CD8A: variants seen among roughly 807,000 people sequenced by gnomAD.
CD8A encodes the protein T-cell surface glycoprotein CD8 alpha chain.
A neutral mutation model predicts 24.2 loss-of-function variants in CD8A; 25 were observed. That is an observed-to-expected ratio of 1.03 (90% CI 0.75 to 1.44). The LOEUF (loss-of-function observed/expected upper bound fraction) is 1.44. Ranked by LOEUF, CD8A falls within the 40% of genes most tolerant of loss-of-function variation. The pLI is 0.00. For synonymous variants in CD8A, 165 were observed against 149.9 expected (o/e 1.10, Z -0.74); for missense variants, 360 against 319.7 (o/e 1.13, Z -0.96).
At chr2:86,795,461 AAAG>A (rs1673450750), upstream of CD8A, among the ~76,000 whole-genome samples, 1 of 152,350 alleles carries the variant, frequency 6.6e-6, no homozygotes, top group Non-Finnish European at 1.5e-5. Context: ...GTTAAAAACA[AAAG>A]AAGAGGAGGA....
At chr2:86,804,025 T>C (rs1169751330) in intron 2 of CD8A, among the ~76,000 whole-genome samples, 1 of 152,214 alleles carries the variant, frequency 6.6e-6, no homozygotes, top group Non-Finnish European at 1.5e-5. Flanking sequence ...AGCATATTAT[T>C]CCAGGATTTT....
intron 2 of CD8A, among the ~76,000 whole-genome samples, chr2:86,802,289 C>T (rs917444151): frequency 1.3e-5 from 2 of 152,080 alleles, no homozygotes; most frequent in Non-Finnish European, 2.9e-5. Context: ...CTGCCTGCCT[C>T]GGCCTCCCAA....
At chr2:86,786,485 C>T (rs116134794) in intron 5 of CD8A, among the ~76,000 whole-genome samples, 1 of 152,182 alleles carries the variant, frequency 6.6e-6, no homozygotes, top group Admixed American at 6.5e-5. Flanking sequence ...TCATCATGAG[C>T]GTCATGTCTG....
chr2:86,790,001 C>A (rs1673207260), intron 2 of CD8A, among the ~76,000 whole-genome samples: 1 of 152,188 alleles, frequency 6.6e-6, no homozygotes, highest in Non-Finnish European at 1.5e-5. Flanking sequence ...GCCTCTCTCC[C>A]GGGCTGAACC....
At chr2:86,792,781 C>T (rs913723595), upstream of CD8A, among the ~76,000 whole-genome samples, 12 of 151,388 alleles carry the variant, frequency 7.9e-5, no homozygotes, top group African/African-American at 2.7e-4. Context: ...CAGGTGTGAG[C>T]CACCATATCA....
upstream of CD8A, chr2:86,791,184 C>G: frequency 2.0e-6 from 1 of 495,384 alleles, no homozygotes; most frequent in Non-Finnish European, 3.8e-6. Context: ...GAAGGGAGAC[C>G]AAAGATTTCA....
At chr2:86,785,998 T>C (rs760138115) in intron 5 of CD8A, 27 bp from the exon 6 acceptor site, 3 of 1,603,810 alleles carry the variant, frequency 1.9e-6, no homozygotes, top group Non-Finnish European at 2.6e-6. Context: ...CGACCATCAT[T>C]GTAGCCAGAA....
chr2:86,801,266 TCTCC>T (rs914354648), intron 3 of CD8A, among the ~76,000 whole-genome samples: 14 of 151,924 alleles, frequency 9.2e-5, no homozygotes, highest in Non-Finnish European at 1.6e-4. Context: ...GATAACATTG[TCTCC>T]CTCCCTCCCT....
In CD8A at chr2:86,790,793, C is replaced by A. The variant is rs935512606; in HGVS notation, c.33G>T (p.Pro11=). Residue 11 remains proline, a synonymous_variant, in exon 1 of 6, where the codon CCG becomes CCT. Coordinates refer to ENST00000283635, the MANE Select transcript of CD8A (RefSeq NM_001768.7). MALPVTALLL[P]LALLLHAARP... is the part of the protein sequence containing the mutation. ...CAAACTCACGGAGCAGCAAGGCCAG[C>A]GGCAGGAGCAAGGCGGTCACTGGTA... 6 of 1,549,318 alleles carry A rather than the reference C, an allele frequency of 3.9e-6. No homozygotes were observed. The highest frequency in any genetic ancestry group is 1.9e-5 in the Admixed American group (1 of 52,032).
At chr2:86,808,030 T>G (rs1673978801) in intron 1 of CD8A, 1 of 152,468 alleles carries the variant, frequency 6.6e-6, no homozygotes, top group East Asian at 1.9e-4. Flanking sequence ...CAGCCGCTCA[T>G]TCTGCGCAAA....
At position 86,786,947 on chromosome 2, in the gene CD8A, G is replaced by T. The variant is rs575409179; in HGVS notation, c.657-976C>A. 1.9e-4 allele frequency among the ~76,000 whole-genome samples: 27 copies of T among 145,020 alleles called. No individual in the cohort carries two copies. In the South Asian group the frequency reaches 5.2e-3, roughly 28 times the overall value. On this transcript the variant is annotated intron_variant, in intron 5 of 5. Coordinates refer to ENST00000283635, the MANE Select transcript of CD8A (RefSeq NM_001768.7). ...AGGCAGGAGAATGGCGTGAACCCGG[G>T]AGGCGGAGCTTGCAGTGAGCCGAGA...
intron 1 of CD8A, chr2:86,807,931 C>A: frequency 6.5e-6 from 1 of 153,066 alleles, no homozygotes; most frequent in Non-Finnish European, 1.5e-5. Flanking sequence ...CTAGCACCAA[C>A]CGCACCGGTG....
At chr2:86,808,199 G>A (rs114678505) in exon 1 of CD8A, 2,013 of 152,598 alleles carry the variant, frequency 0.013, 52 homozygotes, top group African/African-American at 0.046. Context: ...GGCTCCTGAG[G>A]GGGTCAGGGC....
upstream of CD8A, among the ~76,000 whole-genome samples, chr2:86,795,534 G>A (rs574944933): frequency 2.0e-5 from 3 of 152,198 alleles, no homozygotes; most frequent in Admixed American, 2.0e-4. Context: ...GTAGTTGCAG[G>A]ACAATGGCTG....
intron 2 of CD8A, among the ~76,000 whole-genome samples, chr2:86,806,593 C>T (rs1252168127): frequency 2.0e-5 from 3 of 152,198 alleles, no homozygotes; most frequent in African/African-American, 7.2e-5. Flanking sequence ...GGTCAACTGC[C>T]CTTTGGGCGG....
chr2:86,805,350 T>C (rs932176144), intron 2 of CD8A, among the ~76,000 whole-genome samples: 4 of 152,222 alleles, frequency 2.6e-5, no homozygotes, highest in African/African-American at 9.7e-5. Context: ...TTGAGGAGTA[T>C]GGCAACCTTG....
Position 86,790,581 on chromosome 2 carries a change from C to T in CD8A, c.150G>A (p.Pro50=). ...GGAAGAGCCACGAGCAGCCCGACGT[C>T]GGGTTGGACAGCAGCACCTGGCACT... ...ELKCQVLLSN[P]TSGCSWLFQP... is the part of the protein sequence containing the mutation. Residue 50 remains proline, a synonymous_variant, in exon 2 of 6, where the codon CCG becomes CCA. Transcript: ENST00000283635. The T allele has an allele frequency of 1.2e-6, 2 of 1,612,402 alleles. No individual in the cohort carries two copies. Among genetic ancestry groups the T allele is most frequent in the Non-Finnish European group, 1.7e-6 (2 of 1,179,860 alleles).
At chr2:86,787,659 G>C (rs56061957) in intron 5 of CD8A, among the ~76,000 whole-genome samples, 2 of 152,210 alleles carry the variant, frequency 1.3e-5, no homozygotes, top group Admixed American at 6.5e-5. Flanking sequence ...AGTAACGTGC[G>C]TTGTAGGCTT....
At chr2:86,794,985 T>C (rs906319312), upstream of CD8A, among the ~76,000 whole-genome samples, 3 of 152,152 alleles carry the variant, frequency 2.0e-5, no homozygotes, top group African/African-American at 7.2e-5. Flanking sequence ...AGCTCAAGCA[T>C]CTCCTTCCTG....
Sources: allele counts gnomAD v4.1 joint callset (sites outside exome capture counted in the v4.1 genomes callset), GRCh38; gene constraint gnomAD v4.1.1; transcripts MANE v1.5; gene names NCBI Gene and HGNC (gene_info 2026-07-23, HGNC 2026-07-21).